Variants in NT5DC1 observed in about 807,000 individuals in gnomAD.
NT5DC1 encodes 5'-nucleotidase domain containing 1, also known as 5'-nucleotidase domain-containing protein 1.
A neutral mutation model predicts 59.4 loss-of-function variants in NT5DC1; 42 were observed. The ratio of observed to expected loss-of-function variants is 0.71; its 90% CI spans 0.55 to 0.92. The LOEUF (loss-of-function observed/expected upper bound fraction) is 0.92, where lower values mean the gene tolerates loss of function less well. Among genes scored for constraint, NT5DC1 ranks in the 40% least tolerant of loss-of-function variants. The probability of loss-of-function intolerance (pLI) is 0.00; values close to 1 mark genes in which losing one functional copy is unlikely to be tolerated. For missense variants in NT5DC1, 501 were observed against 537.1 expected, an observed-to-expected ratio of 0.93 and a Z score of 0.66; for synonymous variants, 172 against 188.1, an observed-to-expected ratio of 0.91 and a Z score of 0.70.
chr6:116,205,185 C>T (rs552652004), intron 6 of NT5DC1, among the ~76,000 whole-genome samples: 1 of 152,022 alleles, frequency 6.6e-6, no homozygotes, highest in Admixed American at 6.6e-5. Context: ...AAACTAAAAA[C>T]CATGTCTTCA....
In NT5DC1 at chr6:116,247,228, T is replaced by C. The variant is rs548718394; in HGVS notation, c.*3204T>C. ...TGCTAGGACATGAGAGGGATTAACA[T>C]TGAAGACACAGCCTCTATCTTTAAG... is the stretch of plus-strand genomic sequence containing the variant. On this transcript the variant is annotated 3_prime_UTR_variant, in exon 12 of 12. Transcript: ENST00000319550. 16 of 152,306 alleles carry C rather than the reference T, an allele frequency of 1.1e-4. No homozygotes were observed. The highest frequency in any genetic ancestry group is 1.9e-4 in the Non-Finnish European group (13 of 68,004). The allele number at this position is 152,306 out of a possible 1,614,324, so 9.4% of individuals were successfully genotyped here.
intron 6 of NT5DC1, among the ~76,000 whole-genome samples, chr6:116,219,452 T>C (rs1470983564): frequency 1.3e-5 from 2 of 151,980 alleles, no homozygotes; most frequent in African/African-American, 4.8e-5. Context: ...TCCTAAACAA[T>C]TCAATGACAG....
At chr6:116,180,152 A>G (rs1168189241) in intron 6 of NT5DC1, among the ~76,000 whole-genome samples, 1 of 152,076 alleles carries the variant, frequency 6.6e-6, no homozygotes, top group African/African-American at 2.4e-5. Context: ...GGCATATATT[A>G]TTTTAATTAC....
At chr6:116,160,770 C>A (rs1015416403) in intron 6 of NT5DC1, among the ~76,000 whole-genome samples, 21 of 152,112 alleles carry the variant, frequency 1.4e-4, no homozygotes, top group Non-Finnish European at 7.4e-5. Flanking sequence ...TACATTGAAG[C>A]CTTTAATCTA....
chr6:116,221,373 A>T, intron 7 of NT5DC1, 145 bp downstream of exon 7: 1 of 582,752 alleles, frequency 1.7e-6, no homozygotes. Flanking sequence ...CTCATGACAT[A>T]CCTCAATCTC....
chr6:116,225,897 CA>C (rs2114546500), intron 8 of NT5DC1, among the ~76,000 whole-genome samples: 1 of 152,242 alleles, frequency 6.6e-6, no homozygotes, highest in African/African-American at 2.4e-5. Flanking sequence ...GCAAATTTGG[CA>C]ATGTCTGGAG....
chr6:116,105,196 C>T (rs1778744654), intron 1 of NT5DC1, among the ~76,000 whole-genome samples: 1 of 152,098 alleles, frequency 6.6e-6, no homozygotes, highest in African/African-American at 2.4e-5. Flanking sequence ...ACCCCGACAC[C>T]CCTACTCCAG....
chr6:116,235,753 A>G (rs1782102834), intron 8 of NT5DC1, among the ~76,000 whole-genome samples: 1 of 152,224 alleles, frequency 6.6e-6, no homozygotes, highest in South Asian at 2.1e-4. Flanking sequence ...TGACTTTTAC[A>G]TATAGTATCT....
intron 6 of NT5DC1, among the ~76,000 whole-genome samples, chr6:116,211,873 A>G (rs983356062): frequency 3.3e-5 from 5 of 152,074 alleles, no homozygotes; most frequent in African/African-American, 1.2e-4. Context: ...TAGAGAGCCT[A>G]CACCTGCTCT....
intron 6 of NT5DC1, among the ~76,000 whole-genome samples, chr6:116,177,242 T>C (rs943298466): frequency 6.6e-6 from 1 of 152,218 alleles, no homozygotes; most frequent in African/African-American, 2.4e-5. Flanking sequence ...GTTTCTTTGC[T>C]ATTTCCCTTG....
At chr6:116,176,787 A>G (rs1780744005) in intron 6 of NT5DC1, among the ~76,000 whole-genome samples, 1 of 152,158 alleles carries the variant, frequency 6.6e-6, no homozygotes, top group South Asian at 2.1e-4. Context: ...ACTGTGGGCT[A>G]GGAGGATTTG....
intron 6 of NT5DC1, among the ~76,000 whole-genome samples, chr6:116,163,846 C>T (rs746100961): frequency 9.4e-4 from 143 of 152,174 alleles, no homozygotes; most frequent in Admixed American, 1.5e-3. Flanking sequence ...ATTTCGGCCT[C>T]AATTTTGTTA....
At chr6:116,229,646 C>A (rs929274763) in intron 8 of NT5DC1, among the ~76,000 whole-genome samples, 2 of 152,138 alleles carry the variant, frequency 1.3e-5, no homozygotes, top group Non-Finnish European at 2.9e-5. Context: ...GGTGGGGATA[C>A]GGGGGAATCT....
At chr6:116,126,652 G>T (rs1377505652) in intron 6 of NT5DC1, among the ~76,000 whole-genome samples, 3 of 151,890 alleles carry the variant, frequency 2.0e-5, no homozygotes, top group Admixed American at 2.0e-4. Context: ...AGGCTTTTAG[G>T]ATTTAGATCC....
At chr6:116,205,907 A>G (rs1781440776) in intron 6 of NT5DC1, among the ~76,000 whole-genome samples, 1 of 151,878 alleles carries the variant, frequency 6.6e-6, no homozygotes, top group Non-Finnish European at 1.5e-5. Context: ...TCTAGGCCTC[A>G]TTTTCATATC....
chr6:116,116,729 A>G (rs1421101882), intron 5 of NT5DC1, among the ~76,000 whole-genome samples: 2 of 152,160 alleles, frequency 1.3e-5, no homozygotes, highest in Non-Finnish European at 2.9e-5. Context: ...ATGTGTTGTG[A>G]AAGTTTCCAT....
At chr6:116,220,739 G>A (rs1188350433) in intron 6 of NT5DC1, among the ~76,000 whole-genome samples, 3 of 152,326 alleles carry the variant, frequency 2.0e-5, no homozygotes, top group South Asian at 2.1e-4. Context: ...TATTTCAAAT[G>A]TAAGGTTTTC....
chr6:116,225,612 G>GCCTCAGTAGAT (rs1408950109), intron 8 of NT5DC1, among the ~76,000 whole-genome samples: 3 of 152,204 alleles, frequency 2.0e-5, no homozygotes, highest in Non-Finnish European at 4.4e-5. Flanking sequence ...GATCACTAGT[G>GCCTCAGTAGAT]CCTCAGTGAA....
chr6:116,145,629 T>C (rs1374251586), intron 6 of NT5DC1: 2 of 162,320 alleles, frequency 1.2e-5, no homozygotes, highest in African/African-American at 4.8e-5. Flanking sequence ...TTACATAATC[T>C]ACTCTTAACA....
Sources: allele counts gnomAD v4.1 joint callset (sites outside exome capture counted in the v4.1 genomes callset), GRCh38; gene constraint gnomAD v4.1.1; transcripts MANE v1.5; gene names NCBI Gene and HGNC (gene_info 2026-07-23, HGNC 2026-07-21).